Variants in MLH3 observed in about 807,000 individuals in gnomAD.
The protein encoded by MLH3 is mutL homolog 3.
MLH3 carries 82 observed loss-of-function variants against 122.2 expected under a neutral mutation model. The ratio of observed to expected loss-of-function variants is 0.67; its 90% CI spans 0.56 to 0.81. The LOEUF (loss-of-function observed/expected upper bound fraction) is 0.81, where lower values mean the gene tolerates loss of function less well. Among genes scored for constraint, MLH3 ranks in the 30% least tolerant of loss-of-function variants. The pLI is 0.00. For missense variants in MLH3, 1,539 were observed against 1,714.5 expected (o/e 0.90, Z 1.81); for synonymous variants, 524 against 599.5 (o/e 0.87, Z 1.84).
chr14:75,046,749 A>G lies in MLH3; in HGVS notation c.2907T>C (p.Pro969=). The G allele has an allele frequency of 6.2e-7, 1 of 1,614,224 alleles. No homozygotes were observed. Among genetic ancestry groups the G allele is most frequent in the East Asian group, 2.2e-5 (1 of 44,890 alleles). Residue 969 remains proline, a synonymous_variant, in exon 2 of 13, where the codon CCT becomes CCC. Transcript: ENST00000355774. Reference sequence around the variant, plus strand: ...TAGAATTATTATAGGGCAATACCAAAGGAGTTTCTGATATCACACAGTTCT... The same window carrying G: ...TAGAATTATTATAGGGCAATACCAAGGGAGTTTCTGATATCACACAGTTCT... ...TTENCVISET[P]LVLPYNNSKV...
rs2139280581 is a variant in MLH3, at chr14:75,016,849, G to A, written c.*233C>T. ...GGTAGATACTATATAGCAACCTTCT[G>A]TGCCCATGGATGCAAATGAATGAAT... On this transcript the variant is annotated 3_prime_UTR_variant, in exon 13 of 13. Transcript: ENST00000355774. 1 of 522,922 alleles carries A rather than the reference G, an allele frequency of 1.9e-6. No homozygotes were observed. Among genetic ancestry groups the A allele is most frequent in the African/African-American group, 1.9e-5 (1 of 52,542 alleles). 32.4% of individuals were successfully genotyped at this position (522,922 alleles called of 1,614,324 possible). A position where few individuals can be genotyped will look rare whatever the true frequency, so the allele number is the denominator to read the frequency against.
rs539138657 is a variant in MLH3 at position 75,044,084 on chromosome 14, C to T, written c.3281-1607G>A. 9.9e-5 allele frequency among the ~76,000 whole-genome samples: 15 copies of T among 151,118 alleles called. No individual in the cohort carries two copies. The East Asian group carries it at 2.3e-3, about 23-fold the overall frequency. ...AGCCTGGGCAACAAGAGCGAAACTC[C>T]GTCTCAAAAAAAAAAAATTGTCTTT... On this transcript the variant is annotated intron_variant, in intron 2 of 12. Coordinates refer to ENST00000355774, the MANE Select transcript of MLH3 (RefSeq NM_001040108.2).
chr14:75,019,772 C>T (rs1373246638), intron 11 of MLH3, among the ~76,000 whole-genome samples: 1 of 151,952 alleles, frequency 6.6e-6, no homozygotes, highest in Non-Finnish European at 1.5e-5. Context: ...TTGTTATAAC[C>T]TGCCTTTATG....
intron 9 of MLH3, among the ~76,000 whole-genome samples, chr14:75,025,694 A>G (rs2139347096): frequency 6.6e-6 from 1 of 152,228 alleles, no homozygotes; most frequent in South Asian, 2.1e-4. Context: ...GTTAACTCTC[A>G]GATAGATATG....
At chr14:75,018,239 G>A (rs1360877474) in intron 12 of MLH3, among the ~76,000 whole-genome samples, 1 of 152,168 alleles carries the variant, frequency 6.6e-6, no homozygotes, top group Admixed American at 6.5e-5. Context: ...ATTATAACAA[G>A]GACAGAAGTT....
chr14:75,019,192 A>G (rs1402326732), intron 11 of MLH3: 2 of 528,456 alleles, frequency 3.8e-6, no homozygotes, highest in Non-Finnish European at 6.8e-6. Context: ...CGGGCAGATC[A>G]TGAGGTCAGG....
intron 9 of MLH3, among the ~76,000 whole-genome samples, chr14:75,027,999 A>G (rs893854794): frequency 6.6e-6 from 1 of 151,912 alleles, no homozygotes; most frequent in African/African-American, 2.4e-5. Flanking sequence ...AATGGAATAT[A>G]TAACTTCTAA....
chr14:75,035,160 C>G lies in MLH3; in HGVS notation c.3644-1670G>C, dbSNP rs1209239715. The stretch of plus-strand genomic sequence containing the variant: ...CATCTGCAGATTTTGTAGTTACACC[C>G]ATCTTGAGTATCATTAGTAGAGATT... On this transcript the variant is annotated intron_variant, in intron 6 of 12. Coordinates refer to ENST00000355774, the MANE Select transcript of MLH3 (RefSeq NM_001040108.2). Among the ~76,000 whole-genome samples the G allele has an allele frequency of 1.3e-4, 20 of 151,658 alleles. No homozygotes were observed. In the East Asian group the frequency reaches 3.7e-3, roughly 28 times the overall value.
chr14:75,027,210 G>A (rs1008789181), intron 9 of MLH3, among the ~76,000 whole-genome samples: 1 of 152,064 alleles, frequency 6.6e-6, no homozygotes, highest in Non-Finnish European at 1.5e-5. Flanking sequence ...AGATAATCAT[G>A]CAAGTATGAA....
chr14:75,043,104 G>C (rs1891985594), intron 2 of MLH3, among the ~76,000 whole-genome samples: 1 of 152,144 alleles, frequency 6.6e-6, no homozygotes, highest in Non-Finnish European at 1.5e-5. Flanking sequence ...CACAACTTGA[G>C]TAAAGGGTTC....
intron 4 of MLH3, among the ~76,000 whole-genome samples, chr14:75,040,859 C>T (rs373474553): frequency 1.3e-5 from 2 of 152,108 alleles, no homozygotes; most frequent in South Asian, 2.1e-4. Flanking sequence ...TCACTGTTCT[C>T]ACATTGATTA....
chr14:75,024,452 C>T (rs1223103894), intron 9 of MLH3, among the ~76,000 whole-genome samples: 1 of 152,130 alleles, frequency 6.6e-6, no homozygotes, highest in African/African-American at 2.4e-5. Flanking sequence ...CCGCCTGCCT[C>T]GGCCTCCCAA....
intron 9 of MLH3, among the ~76,000 whole-genome samples, chr14:75,026,952 A>G (rs1343779455): frequency 2.0e-5 from 3 of 151,936 alleles, no homozygotes; most frequent in African/African-American, 7.3e-5. Flanking sequence ...TACAAAAATT[A>G]GCTGGGTGTG....
chr14:75,036,571 T>C (rs1891426434), intron 6 of MLH3: 2 of 440,006 alleles, frequency 4.5e-6, no homozygotes, highest in South Asian at 3.2e-5. Flanking sequence ...TCTCAACTCC[T>C]GACCTCAGGT....
intron 1 of MLH3, among the ~76,000 whole-genome samples, chr14:75,050,558 C>T (rs1270158274): frequency 1.3e-5 from 2 of 152,088 alleles, no homozygotes; most frequent in African/African-American, 2.4e-5. Flanking sequence ...CGCCACCATG[C>T]CTGGCTAATT....
intron 12 of MLH3, among the ~76,000 whole-genome samples, chr14:75,017,453 A>G (rs1889965007): frequency 6.6e-6 from 1 of 152,104 alleles, no homozygotes; most frequent in African/African-American, 2.4e-5. Context: ...AGGCAGGAGA[A>G]TTGATTGAAC....
At position 75,049,031 on chromosome 14, in the gene MLH3, A is replaced by G; in HGVS notation, c.625T>C (p.Ser209Pro). 6.2e-7 allele frequency: 1 copy of G among 1,614,156 alleles called. No homozygotes were observed. Among genetic ancestry groups the G allele is most frequent in the South Asian group, 1.1e-5 (1 of 91,070 alleles). ...AATCCATAAATTTGACAAAATCGGG[A>G]ACATACGTCTTTGGTTTTAGGGAGC... ...LQLPKTKDVC[S>P]RFCQIYGLGK... Residue 209 changes from serine to proline, a missense_variant, in exon 2 of 13, where the codon TCC (serine) becomes CCC (proline). Ser to Pro is a moderately conservative substitution (Grantham distance 74). Coordinates refer to ENST00000355774, the MANE Select transcript of MLH3 (RefSeq NM_001040108.2).
chr14:75,030,647 T>TA lies in MLH3; in HGVS notation c.3882dup (p.Ser1295Ter). Reference sequence around the variant, plus strand: ...TTTCCCACAAGGACCAGAGAATCACTAGTGTCTGGAAATACAAATTCAAGG... The same window carrying TA: ...TTTCCCACAAGGACCAGAGAATCACTAAGTGTCTGGAAATACAAATTCAAGG... On this transcript the variant is annotated frameshift_variant, in exon 9 of 13. Coordinates refer to ENST00000355774, the MANE Select transcript of MLH3 (RefSeq NM_001040108.2). LOFTEE classifies it high-confidence loss of function. 6.2e-7 allele frequency: 1 copy of TA among 1,613,762 alleles called. No individual in the cohort carries two copies. The highest frequency in any genetic ancestry group is 1.7e-5 in the Admixed American group (1 of 60,006).
At chr14:75,019,571 T>A (rs1325977788) in intron 11 of MLH3, among the ~76,000 whole-genome samples, 1 of 152,212 alleles carries the variant, frequency 6.6e-6, no homozygotes, top group African/African-American at 2.4e-5. Context: ...TGTTAGGATC[T>A]GGCTTTCAGA....
Sources: allele counts gnomAD v4.1 joint callset (sites outside exome capture counted in the v4.1 genomes callset), GRCh38; gene constraint gnomAD v4.1.1; transcripts MANE v1.5; gene names NCBI Gene and HGNC (gene_info 2026-07-23, HGNC 2026-07-21).